UST: variants seen among roughly 807,000 people sequenced by gnomAD.
The protein encoded by UST is chondroitin sulfate 2-O-sulfotransferase.
Under a neutral mutation model 45.6 loss-of-function variants are expected in UST, and 21 were observed. That is an observed-to-expected ratio of 0.46 (90% CI 0.33 to 0.66). The LOEUF (loss-of-function observed/expected upper bound fraction) is 0.66, where lower values mean the gene tolerates loss of function less well. UST is among the 30% of genes least tolerant of loss of function. The probability of loss-of-function intolerance (pLI) is 0.02; values close to 1 mark genes in which losing one functional copy is unlikely to be tolerated. For missense variants in UST, 463 were observed against 512.4 expected (o/e 0.90, Z 0.93); for synonymous variants, 215 against 200.6 (o/e 1.07, Z -0.61).
rs1341412329 is a variant in UST, at chr6:148,790,151, C to T, written c.247+42474C>T. Among the ~76,000 whole-genome samples, 2 of 152,088 alleles carry T rather than the reference C, an allele frequency of 1.3e-5. No homozygotes were observed. Among genetic ancestry groups the T allele is most frequent in the African/African-American group, 4.8e-5 (2 of 41,416 alleles). ...TTTAGCTGCTTCCTGTAGCTCGTTCCCTGACAGTGTTCATGTAGCGTCTCC... is the reference window on the plus strand; with the variant it reads ...TTTAGCTGCTTCCTGTAGCTCGTTCTCTGACAGTGTTCATGTAGCGTCTCC... On this transcript the variant is annotated intron_variant, in intron 1 of 7. Transcript: ENST00000367463. The surrounding 1 kb of genome is among the most constrained non-coding windows in gnomAD (Gnocchi z 4.2).
intron 1 of UST, among the ~76,000 whole-genome samples, chr6:148,860,350 C>T (rs1283099193): frequency 2.6e-5 from 4 of 152,152 alleles, no homozygotes; most frequent in Non-Finnish European, 4.4e-5. Flanking sequence ...GATTTTGTAT[C>T]CTGAGACTTC....
intron 2 of UST, among the ~76,000 whole-genome samples, chr6:148,913,423 C>CTTTTTTTTTTTTTTTTT (rs34110477): frequency 2.5e-5 from 2 of 79,880 alleles, no homozygotes; most frequent in Admixed American, 1.7e-4. Flanking sequence ...GACCAAAAAT[C>CTTTTTTTTTTTTTTTTT]TTTTTTTTTT....
At chr6:149,049,949 A>C (rs1776458073) in intron 7 of UST, among the ~76,000 whole-genome samples, 1 of 147,096 alleles carries the variant, frequency 6.8e-6, no homozygotes, top group Non-Finnish European at 1.5e-5. Context: ...ACACACACAC[A>C]CACACACACA....
At chr6:148,832,055 G>A (rs745602413) in intron 1 of UST, among the ~76,000 whole-genome samples, 3 of 152,208 alleles carry the variant, frequency 2.0e-5, no homozygotes, top group Admixed American at 6.5e-5. Flanking sequence ...GTGCAGTGGC[G>A]CAGTCTCAGT....
intron 1 of UST, among the ~76,000 whole-genome samples, chr6:148,874,797 G>A (rs889466253): frequency 2.2e-4 from 34 of 152,214 alleles, no homozygotes; most frequent in African/African-American, 7.0e-4. Context: ...CTCATTGTTA[G>A]CAACGGCTGG....
intron 1 of UST, among the ~76,000 whole-genome samples, chr6:148,830,643 A>G (rs1777665560): frequency 6.6e-6 from 1 of 152,254 alleles, no homozygotes; most frequent in African/African-American, 2.4e-5. Context: ...GGGGACTGTC[A>G]AGTAAAAACA....
chr6:148,960,265 G>C (rs1780624407), intron 4 of UST, among the ~76,000 whole-genome samples: 2 of 152,102 alleles, frequency 1.3e-5, no homozygotes, highest in African/African-American at 4.8e-5. Context: ...CTCCAGCCTG[G>C]GCAACAAGAG....
At chr6:148,768,219 G>A (rs1436643709) in intron 1 of UST, among the ~76,000 whole-genome samples, 1 of 151,996 alleles carries the variant, frequency 6.6e-6, no homozygotes, top group Non-Finnish European at 1.5e-5. Context: ...TCTTTAATTT[G>A]CATTTGTTTC....
intron 1 of UST, among the ~76,000 whole-genome samples, chr6:148,753,796 A>G (rs1317611741): frequency 2.6e-5 from 4 of 152,198 alleles, no homozygotes; most frequent in Non-Finnish European, 5.9e-5. Flanking sequence ...CCCCGCCAAG[A>G]AAGTATGAGA....
chr6:149,001,962 G>A (rs1781557529), intron 5 of UST, among the ~76,000 whole-genome samples: 1 of 152,034 alleles, frequency 6.6e-6, no homozygotes, highest in Non-Finnish European at 1.5e-5. Flanking sequence ...ATTTAATCAA[G>A]TTTGAATGTT....
chr6:148,943,015 T>C (rs527545814), intron 3 of UST, among the ~76,000 whole-genome samples: 3,068 of 113,630 alleles, frequency 0.027, 123 homozygotes, highest in African/African-American at 0.085. Context: ...ATGTATAAGA[T>C]TGTACATACA....
At chr6:148,891,602 T>G (rs1360726660) in intron 2 of UST, among the ~76,000 whole-genome samples, 4 of 145,900 alleles carry the variant, frequency 2.7e-5, no homozygotes, top group Non-Finnish European at 6.0e-5. Context: ...GACTTGGGAT[T>G]CCAGCCCAGG....
intron 2 of UST, among the ~76,000 whole-genome samples, chr6:148,930,717 G>A (rs1779905419): frequency 6.6e-6 from 1 of 152,176 alleles, no homozygotes; most frequent in Non-Finnish European, 1.5e-5. Context: ...GTGGAAGGAA[G>A]TTACACGGTG....
At chr6:148,958,362 G>C (rs545447515) in intron 4 of UST, among the ~76,000 whole-genome samples, 2 of 152,300 alleles carry the variant, frequency 1.3e-5, no homozygotes, top group Non-Finnish European at 2.9e-5. Context: ...GCTCTCAGCA[G>C]AGATCTCAGG....
intron 1 of UST, among the ~76,000 whole-genome samples, chr6:148,785,523 A>G (rs1340310313): frequency 1.3e-5 from 2 of 152,246 alleles, no homozygotes; most frequent in East Asian, 1.9e-4. Context: ...TTGAAATTAC[A>G]TACTATTAAA....
chr6:148,808,015 G>A (rs1169812999), intron 1 of UST, among the ~76,000 whole-genome samples: 2 of 152,222 alleles, frequency 1.3e-5, no homozygotes, highest in East Asian at 1.9e-4. Context: ...AACAGAAGCC[G>A]GTGGGGAAGC....
rs1276324448 is a variant in UST at position 148,964,398 on chromosome 6, T to C, written c.528-12T>C. On this transcript the variant is annotated splice_polypyrimidine_tract_variant and intron_variant, in intron 4 of 7. Coordinates refer to ENST00000367463, the MANE Select transcript of UST (RefSeq NM_005715.3). ...CAGTGATGGGTTGTAACGAACTCAATGTTTGTGTTAGGTTTGGAGGAGACC... is the reference window on the plus strand; with the variant it reads ...CAGTGATGGGTTGTAACGAACTCAACGTTTGTGTTAGGTTTGGAGGAGACC... 13 of 1,613,882 alleles carry C rather than the reference T, an allele frequency of 8.1e-6. No individual in the cohort carries two copies. The highest frequency in any genetic ancestry group is 1.0e-5 in the Non-Finnish European group (12 of 1,179,880).
intron 7 of UST, among the ~76,000 whole-genome samples, chr6:149,059,291 C>G (rs1776618578): frequency 6.6e-6 from 1 of 152,224 alleles, no homozygotes; most frequent in Non-Finnish European, 1.5e-5. Context: ...AGCTGGGATG[C>G]TGATCAGCAA....
At chr6:148,899,763 A>G (rs1047884772) in intron 2 of UST, among the ~76,000 whole-genome samples, 1 of 152,180 alleles carries the variant, frequency 6.6e-6, no homozygotes, top group Non-Finnish European at 1.5e-5. Flanking sequence ...CTGCTCTTTT[A>G]TCTGGTTCTT....
Sources: gnomAD v4.1 joint callset for allele counts (sites outside exome capture counted in the v4.1 genomes callset) on GRCh38, gnomAD v4.1.1 for gene constraint, Gnocchi (gnomAD v3.1) non-coding constraint, MANE v1.5 for transcripts, NCBI Gene and HGNC (gene_info 2026-07-23, HGNC 2026-07-21) for gene names.